The following VPS37A variants were observed in gnomAD, a reference collection of about 807,000 sequenced individuals.
VPS37A encodes VPS37A subunit of ESCRT-I.
VPS37A carries 30 observed loss-of-function variants against 49.8 expected under a neutral mutation model. That is an observed-to-expected ratio of 0.60 (90% CI 0.45 to 0.82). The LOEUF is 0.82. VPS37A is among the 40% of genes least tolerant of loss of function. VPS37A has a pLI of 0.00. For synonymous variants in VPS37A, 195 were observed against 160.6 expected (o/e 1.21, Z -1.62); for missense variants, 593 against 464.4 (o/e 1.28, Z -2.55).
At chr8:17,304,518 T>A (rs1211050615), downstream of VPS37A, 2 of 1,613,100 alleles carry the variant, frequency 1.2e-6, no homozygotes, top group Admixed American at 3.3e-5. Context: ...CTTTCTTGAA[T>A]CCTGTTATAA....
intron 4 of VPS37A, among the ~76,000 whole-genome samples, chr8:17,274,176 A>G (rs182902839): frequency 6.6e-6 from 1 of 152,240 alleles, no homozygotes; most frequent in Non-Finnish European, 1.5e-5. Flanking sequence ...AATCCAAAGT[A>G]CATAATGCTG....
At chr8:17,265,480 C>G (rs552441185) in intron 1 of VPS37A, among the ~76,000 whole-genome samples, 10 of 152,166 alleles carry the variant, frequency 6.6e-5, no homozygotes, top group African/African-American at 1.9e-4. Flanking sequence ...TGCGTCTCAT[C>G]TAGACTTTTA....
rs1816622827 is a variant in VPS37A at position 17,296,261 on chromosome 8, G to T, written c.*1275G>T. ...ATATTTAGTCTGTTTGTGGAGGGCA[G>T]GTATTCACGTGGACTGAGATACAAT... On this transcript the variant is annotated 3_prime_UTR_variant, in exon 12 of 12. Coordinates refer to ENST00000324849, the MANE Select transcript of VPS37A (RefSeq NM_152415.3). 1 of 152,106 alleles carries T rather than the reference G, an allele frequency of 6.6e-6. No homozygotes were observed. The allele number at this position is 152,106 out of a possible 1,614,324, so 9.4% of individuals were successfully genotyped here.
At chr8:17,322,762 C>T in the VPS37A span, among the ~76,000 whole-genome samples, 50 of 152,218 alleles carry the variant, frequency 3.3e-4, no homozygotes, top group African/African-American at 1.1e-3. Context: ...GAGTCAGAGG[C>T]TGCTGTGAGC....
chr8:17,309,709 G>T, the VPS37A span, among the ~76,000 whole-genome samples: 1 of 152,120 alleles, frequency 6.6e-6, no homozygotes, highest in African/African-American at 2.4e-5. Flanking sequence ...CTACTAGGAA[G>T]GAGACCCCAC....
At chr8:17,307,128 G>A (rs1817504966), downstream of VPS37A, among the ~76,000 whole-genome samples, 1 of 152,038 alleles carries the variant, frequency 6.6e-6, no homozygotes, top group Non-Finnish European at 1.5e-5. Flanking sequence ...GAAAATTTTT[G>A]CAACCTACTC....
intron 1 of VPS37A, among the ~76,000 whole-genome samples, chr8:17,256,630 T>TTTTTTTTA (rs1554487996): frequency 2.8e-5 from 4 of 145,420 alleles, no homozygotes; most frequent in Admixed American, 6.8e-5. Context: ...GCTGTGTAGG[T>TTTTTTTTA]TTTATTTATT....
rs1025052916 is a variant in VPS37A, at chr8:17,296,022, T to C, written c.*1036T>C. The C allele has an allele frequency of 2.0e-5, 3 of 152,202 alleles. No individual in the cohort carries two copies. The highest frequency in any genetic ancestry group is 4.8e-5 in the African/African-American group (2 of 41,456). The allele number at this position is 152,202 out of a possible 1,614,324, so 9.4% of individuals were successfully genotyped here. A position where few individuals can be genotyped will look rare whatever the true frequency, so the allele number is the denominator to read the frequency against. ...TCATAAAGGAAAATGCCGTGAACTATGTAGCTCAGGCTTGGTAAGGTGCCA... is the reference window on the plus strand; with the variant it reads ...TCATAAAGGAAAATGCCGTGAACTACGTAGCTCAGGCTTGGTAAGGTGCCA... On this transcript the variant is annotated 3_prime_UTR_variant, in exon 12 of 12. Coordinates refer to ENST00000324849, the MANE Select transcript of VPS37A (RefSeq NM_152415.3).
At chr8:17,294,871 A>G (rs1255571692) in intron 11 of VPS37A, 116 bp from the exon 12 acceptor site, 2 of 152,220 alleles carry the variant, frequency 1.3e-5, no homozygotes, top group East Asian at 1.9e-4. Context: ...AGCTGTTCCT[A>G]TTCAGCCATC....
Position 17,297,508 on chromosome 8 carries a change from A to T in VPS37A, c.*2522A>T, listed in dbSNP as rs1415299502. The T allele has an allele frequency of 6.6e-6, 1 of 152,104 alleles. No individual in the cohort carries two copies. 9.4% of individuals were successfully genotyped at this position (152,104 alleles called of 1,614,324 possible). A position where few individuals can be genotyped will look rare whatever the true frequency, so the allele number is the denominator to read the frequency against. On this transcript the variant is annotated 3_prime_UTR_variant, in exon 12 of 12. Transcript: ENST00000324849. ...GTCTCTGATCATCACCTTCCATTCT[A>T]TAAAAAGCTCAGTTACTGATTTGCT...
At chr8:17,307,795 C>A in the VPS37A span, among the ~76,000 whole-genome samples, 216 of 151,824 alleles carry the variant, frequency 1.4e-3, no homozygotes, top group African/African-American at 4.9e-3. Context: ...GACAAAAAAA[C>A]CAAACACCAC....
intron 1 of VPS37A, among the ~76,000 whole-genome samples, chr8:17,250,344 C>A (rs1811857194): frequency 6.6e-6 from 1 of 152,262 alleles, no homozygotes; most frequent in Non-Finnish European, 1.5e-5. Context: ...AGTGGTACGA[C>A]TTACACTTAA....
the VPS37A span, among the ~76,000 whole-genome samples, chr8:17,320,873 T>C: frequency 1.3e-5 from 2 of 152,222 alleles, no homozygotes; most frequent in African/African-American, 2.4e-5. Context: ...TTGGGCTTTC[T>C]GTCCAACCCC....
chr8:17,257,659 C>A (rs1812595266), intron 1 of VPS37A, among the ~76,000 whole-genome samples: 1 of 152,144 alleles, frequency 6.6e-6, no homozygotes, highest in African/African-American at 2.4e-5. Flanking sequence ...GTGATTGTTT[C>A]TATTTCTGTG....
At chr8:17,256,684 C>T (rs1384786660) in intron 1 of VPS37A, among the ~76,000 whole-genome samples, 2 of 149,018 alleles carry the variant, frequency 1.3e-5, no homozygotes, top group African/African-American at 5.0e-5. Flanking sequence ...TGGAGTTTCA[C>T]TTTTGTTGCT....
rs1231691167 is a variant in VPS37A, at chr8:17,296,169, G to A, written c.*1183G>A. 1 of 152,024 alleles carries A rather than the reference G, an allele frequency of 6.6e-6. No homozygotes were observed. Among genetic ancestry groups the A allele is most frequent in the Non-Finnish European group, 1.5e-5 (1 of 67,980 alleles). The allele number at this position is 152,024 out of a possible 1,614,324, so 9.4% of individuals were successfully genotyped here. On this transcript the variant is annotated 3_prime_UTR_variant, in exon 12 of 12. Transcript: ENST00000324849. ...TTTTTTATATTTTTTAGTTCTTCCT[G>A]TACATGTTTTTGGCAATAAAGTTAT...
chr8:17,279,088 A>T (rs117877197), intron 6 of VPS37A, among the ~76,000 whole-genome samples: 1 of 152,142 alleles, frequency 6.6e-6, no homozygotes, highest in Non-Finnish European at 1.5e-5. Context: ...ACACATAAAC[A>T]TATCTATAAC....
chr8:17,298,741 T>C (rs1378862309), downstream of VPS37A: 13 of 152,580 alleles, frequency 8.5e-5, no homozygotes, highest in Non-Finnish European at 1.5e-4. Context: ...CTAAGTTTAA[T>C]TTAGGTCACC....
At chr8:17,299,820 G>A, downstream of VPS37A, 2 of 1,600,344 alleles carry the variant, frequency 1.2e-6, no homozygotes, top group South Asian at 1.1e-5. Context: ...TTTTGGAAGT[G>A]TTGCTTATGT....
Sources: allele counts gnomAD v4.1 joint callset (sites outside exome capture counted in the v4.1 genomes callset), GRCh38; gene constraint gnomAD v4.1.1; transcripts MANE v1.5; gene names NCBI Gene and HGNC (gene_info 2026-07-23, HGNC 2026-07-21).